Variants in GSE1 observed in about 807,000 individuals in gnomAD.
GSE1 encodes the protein Gse1 coiled-coil protein.
A neutral mutation model predicts 112.6 loss-of-function variants in GSE1; 32 were observed. The ratio of observed to expected loss-of-function variants is 0.28; its 90% CI spans 0.21 to 0.38. GSE1 has a LOEUF of 0.38. Among genes scored for constraint, GSE1 ranks in the 10% least tolerant of loss-of-function variants. GSE1 has a pLI of 1.00. For missense variants in GSE1, 2,348 were observed against 1,699.2 expected, an observed-to-expected ratio of 1.38 and a Z score of -6.71; for synonymous variants, 1,115 against 735.6, an observed-to-expected ratio of 1.52 and a Z score of -8.35.
chr16:85,496,243 G>A (rs1022547377), intron 2 of GSE1, among the ~76,000 whole-genome samples: 3 of 152,176 alleles, frequency 2.0e-5, no homozygotes, highest in Admixed American at 1.3e-4. Flanking sequence ...CCGCCACCCC[G>A]TGCCTCCAAG....
intron 1 of GSE1, among the ~76,000 whole-genome samples, chr16:85,274,159 C>G (rs4587957): frequency 0.55 from 83,530 of 150,846 alleles, 24,652 homozygotes; most frequent in African/African-American, 0.75. Flanking sequence ...GCTGAAGCGG[C>G]TGGATCACGA....
intron 1 of GSE1, among the ~76,000 whole-genome samples, chr16:85,297,614 C>G (rs1159051936): frequency 6.6e-6 from 1 of 152,170 alleles, no homozygotes; most frequent in Non-Finnish European, 1.5e-5. Context: ...ATCCTCCAGT[C>G]TCAGCCTCCC....
intron 2 of GSE1, among the ~76,000 whole-genome samples, chr16:85,456,582 G>C (rs978364952): frequency 5.5e-5 from 2 of 36,208 alleles, no homozygotes; most frequent in Non-Finnish European, 1.1e-4. Context: ...TTCCTGCCGT[G>C]TGTGTGTGTG....
At chr16:85,457,369 C>G (rs1234448132) in intron 2 of GSE1, among the ~76,000 whole-genome samples, 1 of 152,208 alleles carries the variant, frequency 6.6e-6, no homozygotes, top group East Asian at 1.9e-4. Flanking sequence ...AGCTGTCAGC[C>G]TGGCCATGAG....
intron 1 of GSE1, among the ~76,000 whole-genome samples, chr16:85,173,088 T>TAGC (rs1419253443): frequency 6.6e-6 from 1 of 152,220 alleles, no homozygotes; most frequent in East Asian, 1.9e-4. Context: ...CTTCGGCATA[T>TAGC]AGCAGTGCAG....
chr16:85,648,925 G>A (rs2051106204), intron 3 of GSE1, among the ~76,000 whole-genome samples, 174 bp downstream of exon 3: 1 of 152,112 alleles, frequency 6.6e-6, no homozygotes, highest in African/African-American at 2.4e-5. Flanking sequence ...GCACCCTCCT[G>A]GAGGCCCTGT....
chr16:85,192,929 C>G (rs554296061), intron 1 of GSE1, among the ~76,000 whole-genome samples: 1 of 152,344 alleles, frequency 6.6e-6, no homozygotes, highest in East Asian at 1.9e-4. Context: ...GTTCTTGGTT[C>G]TGCTGGCTGT....
intron 2 of GSE1, among the ~76,000 whole-genome samples, chr16:85,382,186 C>T (rs1026913223): frequency 6.6e-6 from 1 of 152,176 alleles, no homozygotes; most frequent in African/African-American, 2.4e-5. Context: ...GCCCGGGGCT[C>T]GCTCAGGCGG....
chr16:85,296,797 A>G (rs2045379586), intron 1 of GSE1, among the ~76,000 whole-genome samples: 1 of 149,096 alleles, frequency 6.7e-6, no homozygotes, highest in African/African-American at 2.4e-5. Context: ...CCCTGGGAGG[A>G]AGGGACTGTC....
At chr16:85,510,298 C>G (rs933596672) in intron 2 of GSE1, among the ~76,000 whole-genome samples, 1 of 152,348 alleles carries the variant, frequency 6.6e-6, no homozygotes, top group South Asian at 2.1e-4. Flanking sequence ...AGGCCCAGCA[C>G]GAAAGACTCC....
intron 2 of GSE1, among the ~76,000 whole-genome samples, chr16:85,469,189 G>A (rs983877904): frequency 7.2e-5 from 11 of 152,320 alleles, no homozygotes; most frequent in African/African-American, 2.2e-4. Flanking sequence ...CTGGGATGTG[G>A]AGGTTGCAGT....
chr16:85,402,003 C>T (rs548468162), intron 2 of GSE1, among the ~76,000 whole-genome samples: 3 of 152,342 alleles, frequency 2.0e-5, no homozygotes, highest in African/African-American at 7.2e-5. Flanking sequence ...ACAGCAGCTG[C>T]GCTCCATGCC....
chr16:85,600,703 G>C (rs2047426806), intron 1 of GSE1, among the ~76,000 whole-genome samples: 1 of 152,098 alleles, frequency 6.6e-6, no homozygotes, highest in Non-Finnish European at 1.5e-5. Context: ...CGCAGATGTA[G>C]GGACTCTGAA....
intron 2 of GSE1, among the ~76,000 whole-genome samples, chr16:85,638,136 G>A (rs541884745): frequency 8.5e-5 from 13 of 152,324 alleles, no homozygotes; most frequent in African/African-American, 3.1e-4. Context: ...AGTGCCTCTC[G>A]GTTTTCGCCA....
chr16:85,266,241 A>C (rs1908231490), intron 1 of GSE1, among the ~76,000 whole-genome samples: 1 of 152,124 alleles, frequency 6.6e-6, no homozygotes, highest in African/African-American at 2.4e-5. Flanking sequence ...TCCGGGCGAG[A>C]CTGCTGGGCA....
At chr16:85,659,197 G>A (rs1474010230) in intron 8 of GSE1, among the ~76,000 whole-genome samples, 5 of 152,170 alleles carry the variant, frequency 3.3e-5, no homozygotes. Context: ...GAATAACTAG[G>A]GAGAGCCTTG....
At chr16:85,330,631 G>A (rs1317851030) in intron 1 of GSE1, among the ~76,000 whole-genome samples, 7 of 152,218 alleles carry the variant, frequency 4.6e-5, no homozygotes, top group African/African-American at 1.4e-4. Context: ...AAGCGTGCAG[G>A]TGGGCAGGGG....
At chr16:85,448,296 A>C (rs2049570570) in intron 2 of GSE1, among the ~76,000 whole-genome samples, 1 of 152,168 alleles carries the variant, frequency 6.6e-6, no homozygotes, top group Admixed American at 6.5e-5. Context: ...ATCTTTCCGG[A>C]AGCTCTCCAG....
intron 2 of GSE1, among the ~76,000 whole-genome samples, chr16:85,411,242 C>G (rs1266795169): frequency 2.9e-4 from 1 of 3,452 alleles, no homozygotes; most frequent in Non-Finnish European, 1.1e-3. Flanking sequence ...TACACTCAGG[C>G]ACACCGGATA....
Sources: allele counts gnomAD v4.1 joint callset (sites outside exome capture counted in the v4.1 genomes callset), GRCh38; gene constraint gnomAD v4.1.1; transcripts MANE v1.5; gene names NCBI Gene and HGNC (gene_info 2026-07-23, HGNC 2026-07-21).